Variants in LRMDA observed in about 807,000 individuals in gnomAD.
LRMDA encodes leucine-rich melanocyte differentiation-associated protein.
Under a neutral mutation model 29.8 loss-of-function variants are expected in LRMDA, and 18 were observed. The ratio of observed to expected loss-of-function variants is 0.60; its 90% CI spans 0.42 to 0.90. The LOEUF (loss-of-function observed/expected upper bound fraction) is 0.90, where lower values mean the gene tolerates loss of function less well. Among genes scored for constraint, LRMDA ranks in the 40% least tolerant of loss-of-function variants. LRMDA has a pLI of 0.00. For synonymous variants in LRMDA, 125 were observed against 109.4 expected, an observed-to-expected ratio of 1.14 and a Z score of -0.89; for missense variants, 273 against 273.9, an observed-to-expected ratio of 1.00 and a Z score of 0.02.
intron 2 of LRMDA, among the ~76,000 whole-genome samples, chr10:75,493,614 T>G (rs1220659583): frequency 6.6e-6 from 1 of 152,078 alleles, no homozygotes; most frequent in South Asian, 2.1e-4. Context: ...TTAAGTCACA[T>G]CCTTAAAATT....
chr10:75,687,315 A>G (rs187785916), intron 2 of LRMDA, among the ~76,000 whole-genome samples: 15 of 152,364 alleles, frequency 9.8e-5, no homozygotes, highest in African/African-American at 3.6e-4. Context: ...GGAAATTCAA[A>G]GTGCTACTCC....
chr10:76,016,691 G>C (rs1282741053), intron 2 of LRMDA, among the ~76,000 whole-genome samples: 1 of 152,188 alleles, frequency 6.6e-6, no homozygotes, highest in Non-Finnish European at 1.5e-5. Flanking sequence ...ATTCAAGTGT[G>C]AACTTCAGAT....
At chr10:75,863,198 G>C (rs868612867) in intron 2 of LRMDA, among the ~76,000 whole-genome samples, 4 of 152,072 alleles carry the variant, frequency 2.6e-5, no homozygotes, top group Non-Finnish European at 5.9e-5. Flanking sequence ...GTTGTGCATC[G>C]CTTTACAGTT....
intron 2 of LRMDA, among the ~76,000 whole-genome samples, chr10:75,657,291 A>G (rs1295755045): frequency 1.3e-5 from 2 of 152,216 alleles, no homozygotes; most frequent in Non-Finnish European, 2.9e-5. Flanking sequence ...ACAGGAAATG[A>G]CAGTGGCATT....
intron 6 of LRMDA, among the ~76,000 whole-genome samples, chr10:76,426,057 A>G (rs1238602855): frequency 6.6e-6 from 1 of 152,212 alleles, no homozygotes; most frequent in Non-Finnish European, 1.5e-5. Context: ...TGCCGCAAAT[A>G]AACATACGTG....
chr10:76,311,633 G>A (rs1241836763), intron 5 of LRMDA, among the ~76,000 whole-genome samples: 3 of 151,984 alleles, frequency 2.0e-5, no homozygotes, highest in East Asian at 1.9e-4. Context: ...TTACTACCAC[G>A]ATTATATTTT....
chr10:76,291,118 A>G (rs1216746587), intron 5 of LRMDA, among the ~76,000 whole-genome samples: 1 of 152,184 alleles, frequency 6.6e-6, no homozygotes, highest in East Asian at 1.9e-4. Context: ...GGAGCGGTCA[A>G]TGAGTGTTAC....
intron 2 of LRMDA, among the ~76,000 whole-genome samples, chr10:75,648,176 G>A (rs1841552203): frequency 6.6e-6 from 1 of 152,186 alleles, no homozygotes; most frequent in African/African-American, 2.4e-5. Context: ...CTGTTAGGCA[G>A]GGGCTGTTCT....
chr10:75,546,837 A>G (rs942628022), intron 2 of LRMDA, among the ~76,000 whole-genome samples: 13 of 152,352 alleles, frequency 8.5e-5, no homozygotes, highest in Non-Finnish European at 1.8e-4. Flanking sequence ...CATTTTTAAT[A>G]ATGTTAAATC....
intron 6 of LRMDA, among the ~76,000 whole-genome samples, chr10:76,458,477 A>T (rs1374143416): frequency 6.6e-6 from 1 of 152,178 alleles, no homozygotes; most frequent in Non-Finnish European, 1.5e-5. Flanking sequence ...TGATTTGGCC[A>T]TCGTACTGCT....
In LRMDA at chr10:75,697,854, T is replaced by TGTGTGTGTGTGTGTGTGTGTGTGTGC. The variant is rs1443157627; in HGVS notation, c.131+259372_131+259373insGTGTGTGTGTGTGCGTGTGTGTGTGT. Among the ~76,000 whole-genome samples the TGTGTGTGTGTGTGTGTGTGTGTGTGC allele has an allele frequency of 1.4e-4, 21 of 151,622 alleles. No homozygotes were observed. In the South Asian group the frequency reaches 2.1e-3, roughly 15 times the overall value. ...GTAAGAGTGTGTGTGTGTGTGTGCG[T>TGTGTGTGTGTGTGTGTGTGTGTGTGC]GTGTGTGTGTGTCTCATTCGCGCTC... is the stretch of plus-strand genomic sequence containing the variant. On this transcript the variant is annotated intron_variant, in intron 2 of 6. Transcript: ENST00000611255.
chr10:75,801,844 G>A (rs191181372), intron 2 of LRMDA, among the ~76,000 whole-genome samples: 1 of 152,358 alleles, frequency 6.6e-6, no homozygotes, highest in African/African-American at 2.4e-5. Flanking sequence ...AGGTAGACCA[G>A]TTAGGAGGCA....
intron 2 of LRMDA, among the ~76,000 whole-genome samples, chr10:75,698,654 C>T (rs1842268629): frequency 7.3e-6 from 1 of 137,008 alleles, no homozygotes; most frequent in South Asian, 2.3e-4. Flanking sequence ...CGTAGTGACA[C>T]CTTCACCTCT....
At chr10:76,555,536 G>A (rs1843545590) in intron 6 of LRMDA, among the ~76,000 whole-genome samples, 1 of 152,150 alleles carries the variant, frequency 6.6e-6, no homozygotes, top group African/African-American at 2.4e-5. Flanking sequence ...AACTCTGATA[G>A]ACTATTTGAC....
At chr10:75,577,523 C>T (rs542261350) in intron 2 of LRMDA, among the ~76,000 whole-genome samples, 36 of 151,148 alleles carry the variant, frequency 2.4e-4, no homozygotes, top group African/African-American at 7.0e-4. Context: ...ACATTCAATT[C>T]GGAAATACAG....
At chr10:75,922,560 C>T (rs928837275) in intron 2 of LRMDA, among the ~76,000 whole-genome samples, 1 of 152,168 alleles carries the variant, frequency 6.6e-6, no homozygotes, top group East Asian at 1.9e-4. Context: ...CTCCTCCTTA[C>T]CTTATGCTTA....
At chr10:76,142,764 A>G (rs921132881) in intron 5 of LRMDA, among the ~76,000 whole-genome samples, 1 of 151,478 alleles carries the variant, frequency 6.6e-6, no homozygotes, top group South Asian at 2.1e-4. Context: ...ATATGTATAC[A>G]TGTGCCATGT....
intron 2 of LRMDA, among the ~76,000 whole-genome samples, chr10:76,027,441 C>G (rs151286904): frequency 2.0e-5 from 3 of 152,274 alleles, no homozygotes; most frequent in African/African-American, 7.2e-5. Context: ...CTAGAGAAAA[C>G]TATTTGAAAA....
intron 6 of LRMDA, among the ~76,000 whole-genome samples, chr10:76,527,916 C>T (rs1002343099): frequency 2.0e-5 from 3 of 151,966 alleles, no homozygotes; most frequent in Non-Finnish European, 2.9e-5. Flanking sequence ...GTTGGAGATA[C>T]AAAAATGCAT....
Sources: gnomAD v4.1 joint callset for allele counts (sites outside exome capture counted in the v4.1 genomes callset) on GRCh38, gnomAD v4.1.1 for gene constraint, MANE v1.5 for transcripts, NCBI Gene and HGNC (gene_info 2026-07-23, HGNC 2026-07-21) for gene names.